DIS3L: variants seen among roughly 807,000 people sequenced by gnomAD.
DIS3L encodes the protein DIS3 like exosome 3'-5' exoribonuclease.
Under a neutral mutation model 120.3 loss-of-function variants are expected in DIS3L, and 100 were observed. The observed-to-expected ratio is 0.83, with a 90% CI of 0.71 to 0.98. The LOEUF (loss-of-function observed/expected upper bound fraction) is 0.98, where lower values mean the gene tolerates loss of function less well. DIS3L is among the 50% of genes least tolerant of loss of function. The pLI, the probability that DIS3L is intolerant of heterozygous loss-of-function variation, is 0.00. For missense variants in DIS3L, 1,196 were observed against 1,314.2 expected (o/e 0.91, Z 1.39); for synonymous variants, 426 against 470.6 (o/e 0.91, Z 1.23).
intron 14 of DIS3L, chr15:66,330,237 C>A: frequency 1.0e-6 from 1 of 963,564 alleles, no homozygotes; most frequent in African/African-American, 1.8e-5. Context: ...GCGGAGCTTG[C>A]AGTGAGCTGA....
chr15:66,333,127 A>C lies in DIS3L; in HGVS notation c.2980A>C (p.Ser994Arg). Residue 994 changes from serine (S) to arginine (R), a missense_variant, in exon 17 of 17, where the codon AGT becomes CGT. Coordinates refer to ENST00000319212, the MANE Select transcript of DIS3L (RefSeq NM_001143688.3). ...TCATCAGAGTTCCCCCTTGCTGAAG[A>C]GTGAGTTAGTGAAAGAAGTAACTAA... is the stretch of plus-strand genomic sequence containing the variant. ...LIHQSSPLLK[S>R]ELVKEVTKSV... 1 of 1,613,706 alleles carries C rather than the reference A, an allele frequency of 6.2e-7. No homozygotes were observed. Among genetic ancestry groups the C allele is most frequent in the Non-Finnish European group, 8.5e-7 (1 of 1,180,026 alleles).
chr15:66,303,943 A>C (rs1229923369), intron 2 of DIS3L, among the ~76,000 whole-genome samples: 1 of 151,454 alleles, frequency 6.6e-6, no homozygotes, highest in African/African-American at 2.4e-5. Context: ...ACAAAAAATT[A>C]GCCAGGTGTC....
In DIS3L at chr15:66,315,080, C is replaced by T. The variant is rs764923752; in HGVS notation, c.859C>T (p.Arg287Cys). The T allele has an allele frequency of 1.4e-5, 22 of 1,613,876 alleles. No homozygotes were observed. In the East Asian group the frequency reaches 2.5e-4, roughly 18 times the overall value. Residue 287 changes from arginine (R) to cysteine (C), a missense_variant, in exon 7 of 17, where the codon CGC (arginine) becomes TGC (cysteine). Coordinates refer to ENST00000319212, the MANE Select transcript of DIS3L (RefSeq NM_001143688.3). The part of the protein sequence containing the change: ...ILIHGMKARN[R>C]SIHGDVVVVE... ...AATCCACGGGATGAAGGCTCGAAACCGCTCAATTCATGGAGATGTGGTAGT... is the reference window on the plus strand; with the variant it reads ...AATCCACGGGATGAAGGCTCGAAACTGCTCAATTCATGGAGATGTGGTAGT...
intron 2 of DIS3L, among the ~76,000 whole-genome samples, chr15:66,295,811 C>A (rs74019578): frequency 0.11 from 17,257 of 152,238 alleles, 1,220 homozygotes; most frequent in East Asian, 0.38. Context: ...GAACTTAAAA[C>A]TGTATGGAAA....
At chr15:66,305,565 C>T (rs1467341364) in intron 2 of DIS3L, among the ~76,000 whole-genome samples, 1 of 151,966 alleles carries the variant, frequency 6.6e-6, no homozygotes, top group Non-Finnish European at 1.5e-5. Flanking sequence ...CATTCTGTTC[C>T]TCAGGCTGGA....
At chr15:66,303,804 T>C (rs1232010683) in intron 2 of DIS3L, among the ~76,000 whole-genome samples, 3 of 151,942 alleles carry the variant, frequency 2.0e-5, no homozygotes, top group African/African-American at 7.3e-5. Flanking sequence ...CTGTTAACAG[T>C]GTGTAGGCCG....
At chr15:66,324,888 A>G (rs942999112) in intron 11 of DIS3L, among the ~76,000 whole-genome samples, 3 of 152,174 alleles carry the variant, frequency 2.0e-5, no homozygotes. Flanking sequence ...AATTAGCCCT[A>G]TGTTTTTTAT....
chr15:66,314,539 A>AATG (rs1232748285), intron 6 of DIS3L, among the ~76,000 whole-genome samples: 5 of 152,180 alleles, frequency 3.3e-5, no homozygotes, highest in African/African-American at 1.2e-4. Flanking sequence ...TTAGTTCTGT[A>AATG]ATGACAGGGT....
intron 2 of DIS3L, among the ~76,000 whole-genome samples, chr15:66,302,430 G>A (rs1428665558): frequency 6.6e-6 from 1 of 152,186 alleles, no homozygotes; most frequent in Non-Finnish European, 1.5e-5. Context: ...CAAATGCAGT[G>A]ATGTCTATGA....
Position 66,331,893 on chromosome 15 carries a change from A to G in DIS3L, c.2554A>G (p.Lys852Glu), listed in dbSNP as rs549871556. 4 of 1,606,544 alleles carry G rather than the reference A, an allele frequency of 2.5e-6. No individual in the cohort carries two copies. The East Asian group carries it at 9.0e-5, about 36-fold the overall frequency. Residue 852 changes from lysine to glutamate, a missense_variant, in exon 15 of 17, where the codon AAG becomes GAG. Coordinates refer to ENST00000319212, the MANE Select transcript of DIS3L (RefSeq NM_001143688.3). ...CTTACAGGCAGCACAGCATTCTCAG[A>G]AGCAGTCTACTGAGCTCTTCCAGTG... ...NRNQAAQHSQKQSTELFQCMY... is the reference protein window; with the variant it reads ...NRNQAAQHSQEQSTELFQCMY...
intron 6 of DIS3L, among the ~76,000 whole-genome samples, chr15:66,314,520 G>A (rs1232306412): frequency 1.3e-5 from 2 of 152,290 alleles, no homozygotes; most frequent in Non-Finnish European, 1.5e-5. Flanking sequence ...TCATAATCAG[G>A]TGTAGTTCTT....
chr15:66,320,254 A>C (rs1208029116), intron 8 of DIS3L, among the ~76,000 whole-genome samples: 1 of 152,174 alleles, frequency 6.6e-6, no homozygotes, highest in African/African-American at 2.4e-5. Flanking sequence ...TAGTGTTGCA[A>C]GCGTTAACTA....
chr15:66,325,705 G>A, intron 11 of DIS3L, 126 bp from the exon 12 acceptor site: 2 of 1,095,362 alleles, frequency 1.8e-6, no homozygotes, highest in Non-Finnish European at 2.6e-6. Context: ...AGGCAGCAGT[G>A]AGCAGTGATC....
Position 66,322,686 on chromosome 15 carries a change from G to A in DIS3L, c.1327-1G>A. ...TGCTGAATATTTGGTTTCTCATACA[G>A]ATGTGTGAGATGCCAGTAAACACAC... On this transcript the variant is annotated splice_acceptor_variant, in intron 9 of 16. Coordinates refer to ENST00000319212, the MANE Select transcript of DIS3L (RefSeq NM_001143688.3). LOFTEE classifies it high-confidence loss of function. The A allele has an allele frequency of 6.2e-7, 1 of 1,613,894 alleles. No individual in the cohort carries two copies. The highest frequency in any genetic ancestry group is 2.2e-5 in the East Asian group (1 of 44,896).
intron 4 of DIS3L, among the ~76,000 whole-genome samples, chr15:66,309,094 A>AAAATATATATAT: frequency 2.0e-4 from 3 of 15,316 alleles, no homozygotes; most frequent in African/African-American, 5.9e-4. Context: ...AAAAAAAAAA[A>AAAATATATATAT]ATATATATAT....
Position 66,326,167 on chromosome 15 carries a change from C to G in DIS3L, c.2004C>G (p.Asp668Glu), listed in dbSNP as rs2092934846. ...TAGATGACAAAAAGAACATTCACGA[C>G]CTCATCCCCAAGCAGCCCCTGGAAG... ...VQLDDKKNIH[D>E]LIPKQPLEVH... The change falls in exon 12 of 17, where the codon GAC becomes GAG. Residue 668 changes from aspartate (D) to glutamate (E), a missense_variant. Transcript: ENST00000319212. 1 of 1,614,070 alleles carries G rather than the reference C, an allele frequency of 6.2e-7. No individual in the cohort carries two copies. Among genetic ancestry groups the G allele is most frequent in the South Asian group, 1.1e-5 (1 of 91,094 alleles).
intron 14 of DIS3L, chr15:66,330,455 C>CGCAGGA (rs2092988531): frequency 1.0e-6 from 1 of 985,250 alleles, no homozygotes; most frequent in Admixed American, 6.1e-5. Context: ...TAGAACTAGA[C>CGCAGGA]TATTGGGTAA....
chr15:66,301,533 G>T (rs7175311), intron 2 of DIS3L, among the ~76,000 whole-genome samples: 29,721 of 151,872 alleles, frequency 0.2, 3,221 homozygotes, highest in Non-Finnish European at 0.24. Flanking sequence ...CTCCCGCCTC[G>T]GTCTCCCAAA....
At chr15:66,327,160 C>T (rs1009131162) in intron 12 of DIS3L, among the ~76,000 whole-genome samples, 1 of 151,552 alleles carries the variant, frequency 6.6e-6, no homozygotes, top group African/African-American at 2.4e-5. Flanking sequence ...AAACTCCTGA[C>T]CTCATGATTC....
Sources: allele counts gnomAD v4.1 joint callset (sites outside exome capture counted in the v4.1 genomes callset), GRCh38; gene constraint gnomAD v4.1.1; transcripts MANE v1.5; gene names NCBI Gene and HGNC (gene_info 2026-07-23, HGNC 2026-07-21).